The following HPCAL1 variants were observed in gnomAD, a reference collection of about 807,000 sequenced individuals.
HPCAL1 encodes the protein hippocalcin like 1.
HPCAL1 carries 8 observed loss-of-function variants against 17.1 expected under a neutral mutation model. That is an observed-to-expected ratio of 0.47 (90% confidence interval 0.27 to 0.84). HPCAL1 has a LOEUF of 0.84. HPCAL1 is among the 40% of genes least tolerant of loss of function. The pLI is 0.13. For synonymous variants in HPCAL1, 112 were observed against 111.4 expected, an observed-to-expected ratio of 1.01 and a Z score of -0.03; for missense variants, 165 against 271.1, an observed-to-expected ratio of 0.61 and a Z score of 2.75.
At chr2:10,411,378 T>C (rs1481089181) in intron 2 of HPCAL1, among the ~76,000 whole-genome samples, 1 of 152,282 alleles carries the variant, frequency 6.6e-6, no homozygotes, top group African/African-American at 2.4e-5. Flanking sequence ...TGACATTGCC[T>C]CCTCTCGGCC....
In HPCAL1 at chr2:10,310,439, G is replaced by T. The variant is rs534391129; in HGVS notation, c.-111+7262G>T. 6.6e-6 allele frequency among the ~76,000 whole-genome samples: 1 copy of T among 152,170 alleles called. No individual in the cohort carries two copies. The highest frequency in any genetic ancestry group is 1.5e-5 in the Non-Finnish European group (1 of 68,028). On this transcript the variant is annotated intron_variant, in intron 1 of 4. Transcript: ENST00000307845. This position sits in a 1 kb window ranked among gnomAD's most constrained non-coding sequence, Gnocchi z 4.5. ...GAGGCATGTTTTGATCCAGGCTGTC[G>T]TAGCAAGGGATTTGATGCTGGAGTC...
intron 2 of HPCAL1, chr2:10,408,510 G>C (rs1395895255): frequency 6.6e-6 from 1 of 152,206 alleles, no homozygotes; most frequent in Non-Finnish European, 1.5e-5. Flanking sequence ...CCCTGGAACT[G>C]TCACTCTAGA....
At chr2:10,393,018 C>T (rs1288405774) in intron 1 of HPCAL1, among the ~76,000 whole-genome samples, 2 of 152,206 alleles carry the variant, frequency 1.3e-5, no homozygotes, top group African/African-American at 4.8e-5. Flanking sequence ...GTGTGACGCC[C>T]CAGCTGGCAG....
rs55678486 is a variant in HPCAL1 at position 10,395,113 on chromosome 2, A to AACACACACACACACACAC, written c.-110-1693_-110-1676dup. Reference sequence around the variant, plus strand: ...TGTCCAGCCTAAAATCTATCTTTAAAACACACACACACACACACACACACA... The same window carrying AACACACACACACACACAC: ...TGTCCAGCCTAAAATCTATCTTTAAAACACACACACACACACACACACACACACACACACACACACACA... On this transcript the variant is annotated intron_variant, in intron 1 of 4. Transcript: ENST00000307845. This position sits in a 1 kb window ranked among gnomAD's most constrained non-coding sequence, Gnocchi z 4.4. Among the ~76,000 whole-genome samples, 1 of 138,372 alleles carries AACACACACACACACACAC rather than the reference A, an allele frequency of 7.2e-6. No homozygotes were observed. Among genetic ancestry groups the AACACACACACACACACAC allele is most frequent in the Non-Finnish European group, 1.5e-5 (1 of 64,520 alleles). 90.8% of individuals were successfully genotyped at this position (138,372 alleles called of 152,430 possible). A position where few individuals can be genotyped will look rare whatever the true frequency, so the allele number is the denominator to read the frequency against.
At chr2:10,324,534 TCTC>T (rs1663870130) in intron 1 of HPCAL1, 1 of 152,192 alleles carries the variant, frequency 6.6e-6, no homozygotes, top group African/African-American at 2.4e-5. Context: ...ATTCAGCACT[TCTC>T]AAAAGTTGCT....
rs930589594 is a variant in HPCAL1, at chr2:10,365,468, C to T, written c.-110-31367C>T. Reference sequence around the variant, plus strand: ...TGCAGGAGTTGGAGGTAGAGCGGGTCGAAGGCTTGCGGAGGGACAGGTGGG... The same window carrying T: ...TGCAGGAGTTGGAGGTAGAGCGGGTTGAAGGCTTGCGGAGGGACAGGTGGG... On this transcript the variant is annotated intron_variant, in intron 1 of 4. Transcript: ENST00000307845. The surrounding 1 kb of genome is among the most constrained non-coding windows in gnomAD (Gnocchi z 4.8). Among the ~76,000 whole-genome samples the T allele has an allele frequency of 3.3e-5, 5 of 152,118 alleles. No homozygotes were observed. The highest frequency in any genetic ancestry group is 1.9e-4 in the East Asian group (1 of 5,184).
intron 2 of HPCAL1, among the ~76,000 whole-genome samples, chr2:10,417,079 G>C (rs1670718942): frequency 6.6e-6 from 1 of 152,138 alleles, no homozygotes; most frequent in East Asian, 1.9e-4. Context: ...AAAGTCCCCA[G>C]GGGCTGGGCA....
chr2:10,399,516 GCCACCA>G lies in HPCAL1; in HGVS notation c.-25+2599_-25+2604del, dbSNP rs1252475997. Among the ~76,000 whole-genome samples the G allele has an allele frequency of 2.4e-3, 70 of 28,686 alleles. 3 individuals are homozygous for G. Among genetic ancestry groups the G allele is most frequent in the Non-Finnish European group, 3.5e-3 (49 of 14,048 alleles). 18.8% of individuals were successfully genotyped at this position (28,686 alleles called of 152,430 possible). A position where few individuals can be genotyped will look rare whatever the true frequency, so the allele number is the denominator to read the frequency against. On this transcript the variant is annotated intron_variant, in intron 2 of 4. Coordinates refer to ENST00000307845, the MANE Select transcript of HPCAL1 (RefSeq NM_002149.4). ...CACCATCACCATCACCACCACCGCC[GCCACCA>G]CCGCCACTGCCACCGCCACCATCAC...
chr2:10,378,410 C>T (rs1667725866), intron 1 of HPCAL1, among the ~76,000 whole-genome samples: 1 of 151,912 alleles, frequency 6.6e-6, no homozygotes. Context: ...AACAAAGCTC[C>T]ATGGACCGGG....
At chr2:10,366,398 G>A (rs1666856758) in intron 1 of HPCAL1, among the ~76,000 whole-genome samples, 1 of 152,142 alleles carries the variant, frequency 6.6e-6, no homozygotes, top group Non-Finnish European at 1.5e-5. Context: ...ACCACACCCA[G>A]CTAATTTTTG....
At chr2:10,421,443 G>A (rs747751653) in intron 3 of HPCAL1, among the ~76,000 whole-genome samples, 1 of 152,220 alleles carries the variant, frequency 6.6e-6, no homozygotes, top group Non-Finnish European at 1.5e-5. Context: ...GGCCAGGCCT[G>A]TAATCCCAAC....
chr2:10,337,772 C>G (rs1371822085), intron 1 of HPCAL1, among the ~76,000 whole-genome samples: 1 of 152,204 alleles, frequency 6.6e-6, no homozygotes, highest in Non-Finnish European at 1.5e-5. Flanking sequence ...CCTTCCTGCT[C>G]TTGTGCCCCG....
intron 1 of HPCAL1, among the ~76,000 whole-genome samples, chr2:10,318,370 A>G (rs1663453215): frequency 6.8e-6 from 1 of 147,174 alleles, no homozygotes; most frequent in Non-Finnish European, 1.5e-5. Context: ...ATTTCAGGAG[A>G]AAAAGGCGGC....
rs939502756 is a variant in HPCAL1, at chr2:10,359,018, T to C, written c.-110-37817T>C. ...GTTGGAGCCCCACAGCCTGCCCGTC[T>C]GCATGCTCCCCTTGAGGTTTGACCC... On this transcript the variant is annotated intron_variant, in intron 1 of 4. Coordinates refer to ENST00000307845, the MANE Select transcript of HPCAL1 (RefSeq NM_002149.4). The surrounding 1 kb of genome is among the most constrained non-coding windows in gnomAD (Gnocchi z 4.1). Among the ~76,000 whole-genome samples the C allele has an allele frequency of 6.8e-6, 1 of 146,928 alleles. No individual in the cohort carries two copies. Among genetic ancestry groups the C allele is most frequent in the African/African-American group, 2.7e-5 (1 of 37,022 alleles).
intron 2 of HPCAL1, among the ~76,000 whole-genome samples, chr2:10,402,733 A>G (rs1210512334): frequency 6.7e-6 from 1 of 148,824 alleles, no homozygotes; most frequent in Non-Finnish European, 1.5e-5. Flanking sequence ...TTCCAAATTT[A>G]AAAAAGAATT....
At chr2:10,327,751 G>T (rs1208874274) in intron 1 of HPCAL1, among the ~76,000 whole-genome samples, 1 of 152,050 alleles carries the variant, frequency 6.6e-6, no homozygotes, top group Middle Eastern at 3.2e-3. Context: ...CTTAATTTTG[G>T]CCAAGAGCCT....
intron 1 of HPCAL1, among the ~76,000 whole-genome samples, chr2:10,361,364 AT>A (rs1333196072): frequency 6.6e-6 from 1 of 151,962 alleles, no homozygotes; most frequent in Non-Finnish European, 1.5e-5. Context: ...TGTCTCTGGA[AT>A]TTTAATCAGT....
In HPCAL1 at chr2:10,359,078, C is replaced by A. The variant is rs144710899; in HGVS notation, c.-110-37757C>A. 6.7e-6 allele frequency among the ~76,000 whole-genome samples: 1 copy of A among 149,538 alleles called. No individual in the cohort carries two copies. The highest frequency in any genetic ancestry group is 2.1e-4 in the South Asian group (1 of 4,812). On this transcript the variant is annotated intron_variant, in intron 1 of 4. Coordinates refer to ENST00000307845, the MANE Select transcript of HPCAL1 (RefSeq NM_002149.4). The surrounding 1 kb of genome is among the most constrained non-coding windows in gnomAD (Gnocchi z 4.1). ...CTCCCCTCGAGGTTTGACCCGTCTG[C>A]ATGCTCCCCTAGAGGTTTGAGCAGC...
At chr2:10,382,157 A>G (rs537801684) in intron 1 of HPCAL1, among the ~76,000 whole-genome samples, 1 of 152,340 alleles carries the variant, frequency 6.6e-6, no homozygotes, top group Non-Finnish European at 1.5e-5. Flanking sequence ...TCATCTGCAT[A>G]TGAGTAGGTG....
Sources: gnomAD v4.1 joint callset for allele counts (sites outside exome capture counted in the v4.1 genomes callset) on GRCh38, gnomAD v4.1.1 for gene constraint, Gnocchi (gnomAD v3.1) non-coding constraint, MANE v1.5 for transcripts, NCBI Gene and HGNC (gene_info 2026-07-23, HGNC 2026-07-21) for gene names.